The following KCNJ6 variants were observed in gnomAD, a reference collection of about 807,000 sequenced individuals.
The protein encoded by KCNJ6 is potassium inwardly rectifying channel subfamily J member 6.
A neutral mutation model predicts 34.2 loss-of-function variants in KCNJ6; 9 were observed. That is an observed-to-expected ratio of 0.26 (90% confidence interval 0.16 to 0.46). The LOEUF (loss-of-function observed/expected upper bound fraction) is 0.46. Ranked by LOEUF, KCNJ6 falls within the 20% of genes least tolerant of loss-of-function variation. The pLI is 1.00. For missense variants in KCNJ6, 236 were observed against 531.3 expected (o/e 0.44, Z 5.46); for synonymous variants, 196 against 207.1 (o/e 0.95, Z 0.46).
At chr21:37,813,680 T>C (rs1042439736) in intron 2 of KCNJ6, among the ~76,000 whole-genome samples, 7 of 152,220 alleles carry the variant, frequency 4.6e-5, no homozygotes, top group Non-Finnish European at 7.3e-5. Flanking sequence ...TACATGATTC[T>C]GGGAAAACTG....
chr21:37,710,273 G>T (rs2054744531), intron 3 of KCNJ6, among the ~76,000 whole-genome samples: 1 of 152,158 alleles, frequency 6.6e-6, no homozygotes, highest in Admixed American at 6.5e-5. Flanking sequence ...GTGTCATAAT[G>T]GTATGATAGC....
intron 2 of KCNJ6, among the ~76,000 whole-genome samples, chr21:37,775,867 GT>G (rs550048944): frequency 6.6e-6 from 1 of 151,812 alleles, no homozygotes; most frequent in South Asian, 2.1e-4. Context: ...CTTTAAAGTA[GT>G]TTTTTCCAAT....
intron 3 of KCNJ6, 115 bp from the exon 4 acceptor site, chr21:37,625,599 C>A: frequency 3.0e-6 from 2 of 670,060 alleles, no homozygotes; most frequent in Non-Finnish European, 5.1e-6. Context: ...GACCTGCATA[C>A]GATGCCACAC....
Position 37,609,662 on chromosome 21 carries a change from A to G in KCNJ6, c.*15497T>C, listed in dbSNP as rs540987319. The G allele has an allele frequency of 6.6e-6, 1 of 152,358 alleles. No individual in the cohort carries two copies. The highest frequency in any genetic ancestry group is 2.4e-5 in the African/African-American group (1 of 41,580). 9.4% of individuals were successfully genotyped at this position (152,358 alleles called of 1,614,324 possible). A position where few individuals can be genotyped will look rare whatever the true frequency, so the allele number is the denominator to read the frequency against. On this transcript the variant is annotated 3_prime_UTR_variant, in exon 4 of 4. Coordinates refer to ENST00000609713, the MANE Select transcript of KCNJ6 (RefSeq NM_002240.5). ...AGCAGTAGTGCTACGGTTAAAATAA[A>G]TCAGCTTAATTAAAATATTATGGTT...
intron 1 of KCNJ6, among the ~76,000 whole-genome samples, chr21:37,913,834 A>C (rs917589590): frequency 6.6e-6 from 1 of 152,102 alleles, no homozygotes; most frequent in African/African-American, 2.4e-5. Flanking sequence ...AAAGAAAGAA[A>C]TAACAAACTT....
intron 1 of KCNJ6, among the ~76,000 whole-genome samples, chr21:37,867,116 ACTT>A (rs1488750455): frequency 3.9e-5 from 6 of 152,286 alleles, no homozygotes; most frequent in South Asian, 2.1e-4. Flanking sequence ...CCATTCTTTG[ACTT>A]CTTCTTTGAA....
rs1455447330 is a variant in KCNJ6, at chr21:37,859,516, TATATATATATATATAA to T, written c.-27-18823_-27-18808del. On this transcript the variant is annotated intron_variant, in intron 1 of 3. Transcript: ENST00000609713. ...ATATATATATATATATATATATATA[TATATATATATATATAA>T]AATACTTAAAAAGCTCTACAGATGA... Among the ~76,000 whole-genome samples, 140 of 55,244 alleles carry T rather than the reference TATATATATATATATAA, an allele frequency of 2.5e-3. 4 individuals carry two copies. The highest frequency in any genetic ancestry group is 6.3e-3 in the African/African-American group (105 of 16,604). 36.2% of individuals were successfully genotyped at this position (55,244 alleles called of 152,430 possible). A position where few individuals can be genotyped will look rare whatever the true frequency, so the allele number is the denominator to read the frequency against.
chr21:37,707,656 G>A lies in KCNJ6; in HGVS notation c.946+6555C>T, dbSNP rs117198928. Among the ~76,000 whole-genome samples the A allele has an allele frequency of 8.5e-3, 1,257 of 148,420 alleles. 10 individuals are homozygous for A. Among genetic ancestry groups the A allele is most frequent in the Non-Finnish European group, 0.014 (975 of 67,808 alleles). ...GTTATAAGTGGGTGGGTGTGCCACT[G>A]TGGAGCAAGGGCATGATTGACTGAA... is the stretch of plus-strand genomic sequence containing the variant. On this transcript the variant is annotated intron_variant, in intron 3 of 3. Transcript: ENST00000609713.
chr21:37,759,335 T>C (rs1325260556), intron 2 of KCNJ6, among the ~76,000 whole-genome samples: 1 of 152,194 alleles, frequency 6.6e-6, no homozygotes, highest in Admixed American at 6.5e-5. Context: ...ATGGCGGGAC[T>C]GCACTGAACG....
chr21:37,703,736 T>C (rs2054704153), intron 3 of KCNJ6, among the ~76,000 whole-genome samples: 1 of 152,184 alleles, frequency 6.6e-6, no homozygotes. Flanking sequence ...TCCTTGTACC[T>C]GGTCAAGTAT....
chr21:37,906,380 T>C (rs2055841620), intron 1 of KCNJ6, among the ~76,000 whole-genome samples: 1 of 152,164 alleles, frequency 6.6e-6, no homozygotes, highest in African/African-American at 2.4e-5. Context: ...GTCTCTATCG[T>C]GGGAAGAAGG....
chr21:37,635,836 A>G (rs1037104711), intron 3 of KCNJ6, among the ~76,000 whole-genome samples: 1 of 152,230 alleles, frequency 6.6e-6, no homozygotes, highest in Non-Finnish European at 1.5e-5. Context: ...GTGTTTTATT[A>G]TCACATTTTA....
intron 1 of KCNJ6, among the ~76,000 whole-genome samples, chr21:37,877,481 T>C (rs1168888188): frequency 6.6e-6 from 1 of 152,166 alleles, no homozygotes; most frequent in Non-Finnish European, 1.5e-5. Context: ...AACTTGAGTG[T>C]CAAGTATAAA....
chr21:37,747,363 T>C (rs1482840493), intron 2 of KCNJ6, among the ~76,000 whole-genome samples: 3 of 152,228 alleles, frequency 2.0e-5, no homozygotes, highest in Admixed American at 6.5e-5. Flanking sequence ...AAGCACTGGA[T>C]TGCTCCAAAG....
chr21:37,685,778 A>G (rs917145951), intron 3 of KCNJ6, among the ~76,000 whole-genome samples: 11 of 150,468 alleles, frequency 7.3e-5, no homozygotes, highest in African/African-American at 2.7e-4. Flanking sequence ...GCTGTCTATA[A>G]TATTCTCTAG....
At chr21:37,678,116 G>A (rs190563696) in intron 3 of KCNJ6, among the ~76,000 whole-genome samples, 3 of 152,186 alleles carry the variant, frequency 2.0e-5, no homozygotes, top group Non-Finnish European at 2.9e-5. Context: ...CTAACTTGGC[G>A]GGTGGTGGTG....
At chr21:37,912,843 C>T (rs1312820057) in intron 1 of KCNJ6, among the ~76,000 whole-genome samples, 1 of 152,196 alleles carries the variant, frequency 6.6e-6, no homozygotes, top group African/African-American at 2.4e-5. Context: ...TTAGAAACAA[C>T]ATGTCACACT....
In KCNJ6 at chr21:37,621,490, T is replaced by C. The variant is rs2054289713; in HGVS notation, c.*3669A>G. On this transcript the variant is annotated 3_prime_UTR_variant, in exon 4 of 4. Transcript: ENST00000609713. ...ACTGAAATGTAAGAAAATGTAGGGA[T>C]GGAAAGCATAAGAATGTTGCTCTGG... 1 of 152,164 alleles carries C rather than the reference T, an allele frequency of 6.6e-6. No homozygotes were observed. The highest frequency in any genetic ancestry group is 2.4e-5 in the African/African-American group (1 of 41,438). 9.4% of individuals were successfully genotyped at this position (152,164 alleles called of 1,614,324 possible).
intron 2 of KCNJ6, among the ~76,000 whole-genome samples, chr21:37,758,870 ATCC>A (rs1193681435): frequency 6.6e-6 from 1 of 152,088 alleles, no homozygotes; most frequent in Non-Finnish European, 1.5e-5. Flanking sequence ...AGCTCCAGTG[ATCC>A]TCCTGCCTTG....
Sources: gnomAD v4.1 joint callset for allele counts (sites outside exome capture counted in the v4.1 genomes callset) on GRCh38, gnomAD v4.1.1 for gene constraint, MANE v1.5 for transcripts, NCBI Gene and HGNC (gene_info 2026-07-23, HGNC 2026-07-21) for gene names.